CEP63: variants seen among roughly 807,000 people sequenced by gnomAD.
CEP63 encodes centrosomal protein of 63 kDa.
In CEP63, 84 loss-of-function variants were observed where a neutral mutation model predicts 89.1. That is an observed-to-expected ratio of 0.94 (90% confidence interval 0.79 to 1.13). The LOEUF is 1.13. Among genes scored for constraint, CEP63 ranks in the 50% most tolerant of loss-of-function variants. The pLI, the probability that CEP63 is intolerant of heterozygous loss-of-function variation, is 0.00. For missense variants in CEP63, 838 were observed against 813.3 expected (o/e 1.03, Z -0.37); for synonymous variants, 267 against 272.5 (o/e 0.98, Z 0.20).
intron 3 of CEP63, among the ~76,000 whole-genome samples, chr3:134,509,620 C>T (rs545395151): frequency 2.2e-4 from 34 of 152,240 alleles, no homozygotes; most frequent in Non-Finnish European, 4.1e-4. Flanking sequence ...AGCAAATCCC[C>T]TACTTGTAAT....
At chr3:134,495,452 A>G in intron 2 of CEP63, 88 bp downstream of exon 2, 1 of 829,136 alleles carries the variant, frequency 1.2e-6, no homozygotes, top group Non-Finnish European at 2.1e-6. Flanking sequence ...ATACATACAT[A>G]TAATGTGTAA....
the CEP63 span, among the ~76,000 whole-genome samples, chr3:134,766,852 A>G: frequency 6.6e-6 from 1 of 152,194 alleles, no homozygotes; most frequent in African/African-American, 2.4e-5. Context: ...CAGTTTGCCC[A>G]TGACCTGGCA....
chr3:134,747,583 A>T, the CEP63 span, among the ~76,000 whole-genome samples: 1 of 152,226 alleles, frequency 6.6e-6, no homozygotes, highest in Non-Finnish European at 1.5e-5. Flanking sequence ...GCTCAGGCTC[A>T]AGCTGACAGT....
In CEP63 at chr3:134,521,985, G is replaced by A. The variant is rs377557847; in HGVS notation, c.223-9860G>A. Among the ~76,000 whole-genome samples, 3 of 152,216 alleles carry A rather than the reference G, an allele frequency of 2.0e-5. No individual in the cohort carries two copies. In the East Asian group the frequency reaches 5.8e-4, roughly 29 times the overall value. The stretch of plus-strand genomic sequence containing the variant: ...CATTTCAGCTGGACTTGGGGGAGCT[G>A]TTCTGGCATTTTGGTTTGCAAATCA... On this transcript the variant is annotated intron_variant, in intron 3 of 14. Transcript: ENST00000675561.
chr3:134,627,947 G>T, the CEP63 span: 6 of 720,420 alleles, frequency 8.3e-6, no homozygotes, highest in Non-Finnish European at 1.5e-5. Context: ...CAGTCTCCTT[G>T]TTCCCACCCC....
the CEP63 span, among the ~76,000 whole-genome samples, chr3:134,692,537 G>A: frequency 1.6e-4 from 25 of 152,214 alleles, no homozygotes; most frequent in East Asian, 4.8e-3. Flanking sequence ...GCAATATCAT[G>A]CCATATAACT....
rs371924128 is a variant in CEP63, at chr3:134,547,340, G to A, written c.935G>A (p.Arg312Gln). The A allele has an allele frequency of 8.3e-5, 134 of 1,613,248 alleles. No individual in the cohort carries two copies. The highest frequency in any genetic ancestry group is 9.8e-5 in the Non-Finnish European group (115 of 1,179,478). The stretch of plus-strand genomic sequence containing the variant: ...CATCCTATGTCTTTCCATAGGCCAC[G>A]GGAAGAATCTCTGGCAGAAAAGAAG... ...TQHAVEAIRP[R>Q]EESLAEKKYT... is the part of the protein sequence containing the mutation. Residue 312 changes from arginine (R) to glutamine (Q), a missense_variant, in exon 9 of 15, where the codon CGG becomes CAG. Physicochemically the swap from Arg to Gln is conservative, Grantham distance 43 (BLOSUM62 1). Transcript: ENST00000675561.
chr3:134,608,800 G>T, the CEP63 span: 1 of 1,613,940 alleles, frequency 6.2e-7, no homozygotes, highest in Non-Finnish European at 8.5e-7. Context: ...GGTCCTCGAT[G>T]AACAGTGCAG....
intron 3 of CEP63, among the ~76,000 whole-genome samples, chr3:134,525,447 C>T (rs1276180167): frequency 6.6e-6 from 1 of 152,174 alleles, no homozygotes; most frequent in Non-Finnish European, 1.5e-5. Context: ...CTCTTGAAGA[C>T]AGCATACCAA....
the CEP63 span, among the ~76,000 whole-genome samples, chr3:134,660,367 CAG>C: frequency 2.0e-5 from 3 of 152,126 alleles, no homozygotes; most frequent in African/African-American, 7.2e-5. Flanking sequence ...TGCAAAGCCA[CAG>C]GGGATAGTTG....
chr3:134,705,573 T>C, the CEP63 span, among the ~76,000 whole-genome samples: 4 of 152,188 alleles, frequency 2.6e-5, no homozygotes, highest in Non-Finnish European at 5.9e-5. Context: ...AGATCCACTG[T>C]GAGATCTAAA....
chr3:134,699,790 G>A, the CEP63 span, among the ~76,000 whole-genome samples: 3 of 152,194 alleles, frequency 2.0e-5, no homozygotes, highest in Non-Finnish European at 4.4e-5. Flanking sequence ...GACTTGTCAT[G>A]CTTGACAACT....
intron 1 of CEP63, 55 bp from the exon 2 acceptor site, chr3:134,495,241 A>G (rs1939396013): frequency 1.7e-6 from 2 of 1,207,954 alleles, no homozygotes; most frequent in East Asian, 4.7e-5. Flanking sequence ...GTAAGTTAGA[A>G]TGTTAGAACT....
the CEP63 span, among the ~76,000 whole-genome samples, chr3:134,640,359 C>A: frequency 6.6e-6 from 1 of 152,056 alleles, no homozygotes; most frequent in Non-Finnish European, 1.5e-5. Flanking sequence ...GTCTGGTATG[C>A]GACTTCAGGC....
At chr3:134,746,734 G>T in the CEP63 span, among the ~76,000 whole-genome samples, 1 of 152,320 alleles carries the variant, frequency 6.6e-6, no homozygotes, top group African/African-American at 2.4e-5. Flanking sequence ...CTTTTGAGAA[G>T]TATCTGTTCA....
chr3:134,503,100 C>CTTTTTTTTTTTT (rs34673408), intron 2 of CEP63, among the ~76,000 whole-genome samples: 329 of 91,876 alleles, frequency 3.6e-3, no homozygotes, highest in East Asian at 4.8e-3. Flanking sequence ...TGATTTCAAT[C>CTTTTTTTTTTTT]TTTTTTTTTT....
At chr3:134,534,319 C>A (rs1271187357) in intron 5 of CEP63, among the ~76,000 whole-genome samples, 1 of 152,126 alleles carries the variant, frequency 6.6e-6, no homozygotes, top group African/African-American at 2.4e-5. Context: ...CTACTTATTC[C>A]CACTGCCATT....
chr3:134,569,258 TCTTAA>T (rs1560071480), downstream of CEP63, among the ~76,000 whole-genome samples: 1 of 152,220 alleles, frequency 6.6e-6, no homozygotes, highest in East Asian at 1.9e-4. Flanking sequence ...TCTCCAAAAG[TCTTAA>T]CTTATTTCAG....
chr3:134,687,875 C>T, the CEP63 span, among the ~76,000 whole-genome samples: 64 of 152,304 alleles, frequency 4.2e-4, no homozygotes, highest in South Asian at 1.0e-3. Flanking sequence ...TTCAAATTCA[C>T]AACCCACAAA....
Sources: gnomAD v4.1 joint callset for allele counts (sites outside exome capture counted in the v4.1 genomes callset) on GRCh38, gnomAD v4.1.1 for gene constraint, MANE v1.5 for transcripts, NCBI Gene and HGNC (gene_info 2026-07-23, HGNC 2026-07-21) for gene names.